TMPRSS13: variants seen among roughly 807,000 people sequenced by gnomAD.
TMPRSS13 encodes the protein transmembrane serine protease 13, also known as transmembrane protease serine 13.
TMPRSS13 carries 50 observed loss-of-function variants against 68.4 expected under a neutral mutation model. That is an observed-to-expected ratio of 0.73 (90% CI 0.58 to 0.93). The LOEUF is 0.93. Among genes scored for constraint, TMPRSS13 ranks in the 40% least tolerant of loss-of-function variants. The pLI is 0.00. For missense variants in TMPRSS13, 615 were observed against 729.2 expected (o/e 0.84, Z 1.80); for synonymous variants, 267 against 285.8 (o/e 0.93, Z 0.66).
intron 5 of TMPRSS13, among the ~76,000 whole-genome samples, chr11:117,913,182 G>A (rs994749380): frequency 3.9e-5 from 6 of 152,204 alleles, no homozygotes; most frequent in South Asian, 2.1e-4. Flanking sequence ...ATGGAGATGC[G>A]TGTCTGGGCT....
chr11:117,911,934 GC>G (rs2057527523), intron 5 of TMPRSS13, 74 bp from the exon 6 acceptor site: 1 of 1,210,362 alleles, frequency 8.3e-7, no homozygotes, highest in Non-Finnish European at 1.2e-6. Context: ...GCAGGCTAGA[GC>G]CCCACCAGCC....
At chr11:117,910,772 G>C (rs760693720) in intron 6 of TMPRSS13, 22 bp from the exon 7 acceptor site, 5 of 1,601,370 alleles carry the variant, frequency 3.1e-6, no homozygotes, top group Non-Finnish European at 4.3e-6. Flanking sequence ...GACACAGAAA[G>C]TGGGAAAAGG....
chr11:117,905,881 T>C, intron 9 of TMPRSS13, 145 bp from the exon 10 acceptor site: 1 of 578,566 alleles, frequency 1.7e-6, no homozygotes, highest in Non-Finnish European at 3.1e-6. Context: ...ATCTGAATCC[T>C]CCAGAGCCTT....
Position 117,909,795 on chromosome 11 carries a change from C to G in TMPRSS13, c.1109+11G>C, listed in dbSNP as rs1220043594. ...GGGCAGTGTCAAATCACCTGCCTCTCAGGCACTTACACGAAGAAGCAGTGG... is the reference window on the plus strand; with the variant it reads ...GGGCAGTGTCAAATCACCTGCCTCTGAGGCACTTACACGAAGAAGCAGTGG... On this transcript the variant is annotated intron_variant, in intron 8 of 12. Transcript: ENST00000524993. 4 of 1,605,122 alleles carry G rather than the reference C, an allele frequency of 2.5e-6. No individual in the cohort carries two copies. Among genetic ancestry groups the G allele is most frequent in the Non-Finnish European group, 1.7e-6 (2 of 1,176,182 alleles).
chr11:117,920,230 G>A (rs1176018690), intron 1 of TMPRSS13, among the ~76,000 whole-genome samples: 5 of 152,214 alleles, frequency 3.3e-5, no homozygotes, highest in South Asian at 2.1e-4. Flanking sequence ...AAGCTAGAGC[G>A]AAGCACCTTG....
rs2057565645 is a variant in TMPRSS13, at chr11:117,915,263, T to TG, written c.557-750dup. On this transcript the variant is annotated intron_variant, in intron 3 of 12. Transcript: ENST00000524993. This position sits in a 1 kb window ranked among gnomAD's most constrained non-coding sequence, Gnocchi z 4.9. ...CCAAACCAGGGGCTGTGGGCCCTCC[T>TG]GCCTGGAGGCACCTCCCCTTGGCTG... 6.6e-6 allele frequency among the ~76,000 whole-genome samples: 1 copy of TG among 152,318 alleles called. No homozygotes were observed. Among genetic ancestry groups the TG allele is most frequent in the East Asian group, 1.9e-4 (1 of 5,188 alleles).
chr11:117,910,886 G>A, intron 6 of TMPRSS13, 136 bp from the exon 7 acceptor site: 1 of 770,930 alleles, frequency 1.3e-6, no homozygotes, highest in Non-Finnish European at 2.1e-6. Flanking sequence ...AGGAGATTCT[G>A]AGCTTCCCCT....
At chr11:117,920,804 T>TTTTG (rs1343341474) in intron 1 of TMPRSS13, among the ~76,000 whole-genome samples, 1 of 151,952 alleles carries the variant, frequency 6.6e-6, no homozygotes, top group Non-Finnish European at 1.5e-5. Context: ...GATAGTGGGG[T>TTTTG]TTTGTTTGTT....
Position 117,908,788 on chromosome 11 carries a change from C to A in TMPRSS13, c.1110-4G>T. On this transcript the variant is annotated splice_polypyrimidine_tract_variant and splice_region_variant and intron_variant, in intron 8 of 12. Coordinates refer to ENST00000524993, the MANE Select transcript of TMPRSS13 (RefSeq NM_001077263.3). Reference sequence around the variant, plus strand: ...CTCCAGGACCTTCTCCCGGGTCCTGCAAGAGCCACAAAGGAGCGTGGTCCA... The same window carrying A: ...CTCCAGGACCTTCTCCCGGGTCCTGAAAGAGCCACAAAGGAGCGTGGTCCA... 6.3e-7 allele frequency: 1 copy of A among 1,597,028 alleles called. No individual in the cohort carries two copies. Among genetic ancestry groups the A allele is most frequent in the South Asian group, 1.1e-5 (1 of 87,772 alleles).
At chr11:117,905,828 G>A (rs2134877876) in intron 9 of TMPRSS13, 92 bp from the exon 10 acceptor site, 1 of 931,134 alleles carries the variant, frequency 1.1e-6, no homozygotes. Context: ...TGGGGGCAAG[G>A]AGGGGTCTCC....
chr11:117,925,330 T>G (rs1370877557), intron 1 of TMPRSS13, among the ~76,000 whole-genome samples: 2 of 152,252 alleles, frequency 1.3e-5, no homozygotes, highest in Non-Finnish European at 2.9e-5. Context: ...ATGCCTCCTG[T>G]GCACATGAAA....
At position 117,914,311 on chromosome 11, in the gene TMPRSS13, A is replaced by G; in HGVS notation, c.679+81T>C. On this transcript the variant is annotated intron_variant, in intron 4 of 12. Coordinates refer to ENST00000524993, the MANE Select transcript of TMPRSS13 (RefSeq NM_001077263.3). The surrounding 1 kb of genome is among the most constrained non-coding windows in gnomAD (Gnocchi z 4.2). The stretch of plus-strand genomic sequence containing the variant: ...CACACATATACACACACAGGCATGC[A>G]TACACACACACATATACAAACAGGC... The G allele has an allele frequency of 6.4e-7, 1 of 1,571,278 alleles. No individual in the cohort carries two copies. Among genetic ancestry groups the G allele is most frequent in the South Asian group, 1.1e-5 (1 of 88,664 alleles).
chr11:117,908,843 C>T (rs1210395863), intron 8 of TMPRSS13, 59 bp from the exon 9 acceptor site: 2 of 1,490,606 alleles, frequency 1.3e-6, no homozygotes, highest in African/African-American at 1.4e-5. Context: ...CACTGGCAGC[C>T]CCTGCTACCT....
rs768159872 is a variant in TMPRSS13 at position 117,918,763 on chromosome 11, G to A, written c.97C>T (p.Arg33Trp). 27 of 1,611,496 alleles carry A rather than the reference G, an allele frequency of 1.7e-5. No homozygotes were observed. The highest frequency in any genetic ancestry group is 3.3e-5 in the Admixed American group (2 of 59,898). The change falls in exon 2 of 13, where the codon CGG (arginine) becomes TGG (tryptophan). Residue 33 changes from arginine to tryptophan, a missense_variant. By Grantham distance (101) the Arg-to-Trp change is moderately radical (BLOSUM62 -3). Coordinates refer to ENST00000524993, the MANE Select transcript of TMPRSS13 (RefSeq NM_001077263.3). ...GGAGATGCCTGGGCTGGAGATGCCCGGCCTGGAGGTGTCCCAGCTGGAGAT... is the reference window on the plus strand; with the variant it reads ...GGAGATGCCTGGGCTGGAGATGCCCAGCCTGGAGGTGTCCCAGCTGGAGAT... ...QASPAGTPPG[R>W]ASPAQASPAQ...
intron 5 of TMPRSS13, among the ~76,000 whole-genome samples, chr11:117,912,344 A>G (rs1487473785): frequency 6.6e-6 from 1 of 152,202 alleles, no homozygotes; most frequent in African/African-American, 2.4e-5. Flanking sequence ...AAGAATCTGC[A>G]TTTTAAAGAA....
chr11:117,906,042 C>T (rs1479962951), intron 9 of TMPRSS13, among the ~76,000 whole-genome samples: 1 of 152,256 alleles, frequency 6.6e-6, no homozygotes, highest in African/African-American at 2.4e-5. Flanking sequence ...CGATACTGGG[C>T]AGCTGAGGGT....
At chr11:117,925,181 C>G (rs1243328209) in intron 1 of TMPRSS13, among the ~76,000 whole-genome samples, 1 of 152,222 alleles carries the variant, frequency 6.6e-6, no homozygotes, top group Admixed American at 6.5e-5. Flanking sequence ...GCCCTTACCC[C>G]ACCTCAACAG....
At chr11:117,905,267 C>T (rs1323463583) in intron 10 of TMPRSS13, among the ~76,000 whole-genome samples, 1 of 151,932 alleles carries the variant, frequency 6.6e-6, no homozygotes, top group African/African-American at 2.4e-5. Context: ...AAAAGTCCTG[C>T]GTCTTTGAAC....
chr11:117,923,249 G>A (rs1042908116), intron 1 of TMPRSS13, among the ~76,000 whole-genome samples: 4 of 152,336 alleles, frequency 2.6e-5, no homozygotes, highest in African/African-American at 4.8e-5. Flanking sequence ...CAGGGGTCTC[G>A]ACACCACAGC....
Sources: allele counts gnomAD v4.1 joint callset (sites outside exome capture counted in the v4.1 genomes callset), GRCh38; gene constraint gnomAD v4.1.1; non-coding constraint Gnocchi (gnomAD v3.1); transcripts MANE v1.5; gene names NCBI Gene and HGNC (gene_info 2026-07-23, HGNC 2026-07-21).